Variants in LOC112694756 observed in about 807,000 individuals in gnomAD.
At chr16:30,054,279 A>G in the LOC112694756 span, among the ~76,000 whole-genome samples, 2 of 149,724 alleles carry the variant, frequency 1.3e-5, no homozygotes, top group Non-Finnish European at 3.0e-5. Flanking sequence ...AGCTTGCCCC[A>G]CTGCTCCAGC....
At chr16:30,064,605 T>C in the LOC112694756 span, 1 of 397,688 alleles carries the variant, frequency 2.5e-6, no homozygotes, top group African/African-American at 2.1e-5. Flanking sequence ...TGTCAGGGGC[T>C]TCAGGTTTCC....
At chr16:30,065,432 C>T in the LOC112694756 span, among the ~76,000 whole-genome samples, 1 of 152,230 alleles carries the variant, frequency 6.6e-6, no homozygotes, top group Non-Finnish European at 1.5e-5. Context: ...CCATCCGCGT[C>T]CTCCACTTCC....
chr16:30,062,813 C>T, the LOC112694756 span, among the ~76,000 whole-genome samples: 1 of 150,512 alleles, frequency 6.6e-6, no homozygotes, highest in South Asian at 2.1e-4. Context: ...GTGCTCCAGC[C>T]TGGGCAACAG....
the LOC112694756 span, chr16:30,064,034 C>T: frequency 6.7e-4 from 267 of 398,884 alleles, 1 homozygote; most frequent in African/African-American, 4.8e-3. Context: ...GACGGCAGCT[C>T]CTCTGGAGGG....
At chr16:30,057,577 G>A in the LOC112694756 span, among the ~76,000 whole-genome samples, 27 of 152,292 alleles carry the variant, frequency 1.8e-4, no homozygotes, top group African/African-American at 5.5e-4. Flanking sequence ...TGGAAGGGGA[G>A]GATAAAAGCA....
At chr16:30,067,928 A>G in the LOC112694756 span, 1 of 532,986 alleles carries the variant, frequency 1.9e-6, no homozygotes, top group South Asian at 2.1e-5. Flanking sequence ...CTGACACCCA[A>G]TTCACTCAAC....
chr16:30,067,387 G>A, the LOC112694756 span: 2 of 1,614,062 alleles, frequency 1.2e-6, no homozygotes, highest in Admixed American at 1.7e-5. Flanking sequence ...GAGACAGAAT[G>A]GGTGGAGGGT....
chr16:30,066,078 C>T, the LOC112694756 span: 1 of 152,798 alleles, frequency 6.5e-6, no homozygotes, highest in Non-Finnish European at 1.5e-5. Flanking sequence ...GCCCCTCCAG[C>T]CTGAGGTCCT....
the LOC112694756 span, chr16:30,069,366 C>T: frequency 1.2e-5 from 19 of 1,614,042 alleles, no homozygotes; most frequent in South Asian, 3.3e-5. Context: ...TGACTTGAAG[C>T]GCTGCCAGTA....
chr16:30,055,352 C>G, the LOC112694756 span: 2 of 399,108 alleles, frequency 5.0e-6, no homozygotes, highest in Non-Finnish European at 8.8e-6. Context: ...TACCCCCTGC[C>G]CCACTGAGCC....
chr16:30,069,347 T>C, the LOC112694756 span: 2 of 1,614,194 alleles, frequency 1.2e-6, no homozygotes, highest in South Asian at 2.2e-5. Flanking sequence ...TCCTCCCTGA[T>C]GGGGACCATG....
At chr16:30,069,174 C>T in the LOC112694756 span, 20 of 1,346,994 alleles carry the variant, frequency 1.5e-5, no homozygotes, top group Non-Finnish European at 1.9e-5. Flanking sequence ...CTCTTGTCTC[C>T]TGTAATCTGA....
At chr16:30,064,069 C>T in the LOC112694756 span, 5 of 398,996 alleles carry the variant, frequency 1.3e-5, no homozygotes, top group East Asian at 1.4e-4. Flanking sequence ...GGCTAGTGCT[C>T]GGGCAGGTGC....
the LOC112694756 span, among the ~76,000 whole-genome samples, chr16:30,062,863 C>T: frequency 6.6e-6 from 1 of 150,590 alleles, no homozygotes; most frequent in Non-Finnish European, 1.5e-5. Context: ...AAAAAAATGG[C>T]CGGGCACAGT....
chr16:30,067,008 C>T, the LOC112694756 span: 2 of 1,569,606 alleles, frequency 1.3e-6, no homozygotes, highest in Non-Finnish European at 1.7e-6. Context: ...CTCAGCTGGG[C>T]AACACCCAGC....
At chr16:30,062,986 A>G in the LOC112694756 span, among the ~76,000 whole-genome samples, 7 of 152,086 alleles carry the variant, frequency 4.6e-5, no homozygotes, top group East Asian at 9.7e-4. Flanking sequence ...CTCTACTACA[A>G]ATACAAAAAT....
the LOC112694756 span, chr16:30,068,427 A>T: frequency 1.1e-5 from 7 of 626,728 alleles, no homozygotes; most frequent in Non-Finnish European, 2.0e-5. Flanking sequence ...GATGCAGTTT[A>T]AGGGATTAAG....
At chr16:30,062,915 G>A in the LOC112694756 span, among the ~76,000 whole-genome samples, 1 of 151,956 alleles carries the variant, frequency 6.6e-6, no homozygotes, top group Admixed American at 6.6e-5. Flanking sequence ...GGCTGAGGCA[G>A]GTGGATCATC....
chr16:30,055,011 CCT>C, the LOC112694756 span: 140,534 of 398,206 alleles, frequency 0.35, 26,141 homozygotes, highest in South Asian at 0.45. Flanking sequence ...AGGCTCTTAC[CCT>C]GAGACACTTG....
Sources: gnomAD v4.1 joint callset for allele counts (sites outside exome capture counted in the v4.1 genomes callset) on GRCh38, gnomAD v4.1.1 for gene constraint, MANE v1.5 for transcripts.